EYA1: variants seen among roughly 807,000 people sequenced by gnomAD.
EYA1 encodes EYA transcriptional coactivator and phosphatase 1, also known as protein phosphatase EYA1.
Under a neutral mutation model 82.0 loss-of-function variants are expected in EYA1, and 16 were observed. The observed-to-expected ratio is 0.20, with a 90% CI of 0.13 to 0.30. The LOEUF is 0.30. Among genes scored for constraint, EYA1 ranks in the 10% least tolerant of loss-of-function variants. The pLI is 1.00. For missense variants in EYA1, 633 were observed against 730.7 expected, an observed-to-expected ratio of 0.87 and a Z score of 1.54; for synonymous variants, 261 against 264.4, an observed-to-expected ratio of 0.99 and a Z score of 0.12.
chr8:71,461,546 T>C (rs1355917669), intron 2 of EYA1, among the ~76,000 whole-genome samples: 1 of 152,122 alleles, frequency 6.6e-6, no homozygotes. Context: ...AGCTCCCAGG[T>C]CTGGGCTCCC....
At chr8:71,488,813 A>G (rs1324755009) in intron 2 of EYA1, among the ~76,000 whole-genome samples, 1 of 152,222 alleles carries the variant, frequency 6.6e-6, no homozygotes, top group Non-Finnish European at 1.5e-5. Flanking sequence ...AGAATGTCCA[A>G]CTTCTTGATT....
At chr8:71,272,005 T>A in intron 9 of EYA1, 108 bp from the exon 10 acceptor site, 1 of 1,145,380 alleles carries the variant, frequency 8.7e-7, no homozygotes, top group South Asian at 1.2e-5. Flanking sequence ...GCACATTTCA[T>A]TCTGCTGAAA....
At chr8:71,434,926 CAT>C (rs1454601079) in intron 2 of EYA1, among the ~76,000 whole-genome samples, 2 of 152,016 alleles carry the variant, frequency 1.3e-5, no homozygotes, top group African/African-American at 4.8e-5. Flanking sequence ...CACTCACAGA[CAT>C]ATATATGTGC....
chr8:71,480,957 A>G (rs113105136), intron 2 of EYA1, among the ~76,000 whole-genome samples: 1 of 152,082 alleles, frequency 6.6e-6, no homozygotes, highest in African/African-American at 2.4e-5. Flanking sequence ...TGGTAAATGA[A>G]TTTTCAAAAG....
At chr8:71,447,078 A>G (rs896892790) in intron 2 of EYA1, among the ~76,000 whole-genome samples, 48 of 117,014 alleles carry the variant, frequency 4.1e-4, no homozygotes, top group African/African-American at 1.6e-3. Context: ...ATTATTGATA[A>G]TCTTTATATA....
chr8:71,400,627 C>T (rs111764013), intron 2 of EYA1, among the ~76,000 whole-genome samples: 50 of 152,192 alleles, frequency 3.3e-4, no homozygotes, highest in African/African-American at 1.2e-3. Flanking sequence ...ATTAAAAAGT[C>T]AAGAAACAAC....
chr8:71,488,573 G>C (rs1436033159), intron 2 of EYA1, among the ~76,000 whole-genome samples: 1 of 152,154 alleles, frequency 6.6e-6, no homozygotes, highest in African/African-American at 2.4e-5. Context: ...GATAGATATC[G>C]GTTGGGAATA....
intron 1 of EYA1, among the ~76,000 whole-genome samples, chr8:71,541,424 A>G (rs1334235479): frequency 6.6e-6 from 1 of 152,266 alleles, no homozygotes; most frequent in South Asian, 2.1e-4. Flanking sequence ...TGCTTCTACC[A>G]TATGTGACTT....
intron 11 of EYA1, among the ~76,000 whole-genome samples, chr8:71,266,952 T>C (rs184294230): frequency 1.3e-3 from 200 of 152,348 alleles, no homozygotes; most frequent in African/African-American, 4.5e-3. Context: ...AAATCATTTC[T>C]AAATCCAGTT....
At chr8:71,244,734 G>A in intron 11 of EYA1, 42 bp from the exon 12 acceptor site, 3 of 1,179,954 alleles carry the variant, frequency 2.5e-6, no homozygotes, top group Non-Finnish European at 3.8e-6. Flanking sequence ...GTATACTTCA[G>A]GTTACATGAA....
intron 2 of EYA1, among the ~76,000 whole-genome samples, chr8:71,445,553 T>C (rs957014786): frequency 2.0e-5 from 3 of 152,182 alleles, no homozygotes; most frequent in African/African-American, 4.8e-5. Flanking sequence ...GTTATTAATA[T>C]TATTTAGGAT....
At chr8:71,272,454 A>G (rs1034589884) in intron 9 of EYA1, among the ~76,000 whole-genome samples, 1 of 152,154 alleles carries the variant, frequency 6.6e-6, no homozygotes, top group African/African-American at 2.4e-5. Flanking sequence ...AGGCAGATAC[A>G]TGGACAATAC....
At chr8:71,438,266 G>A (rs1806150927) in intron 2 of EYA1, among the ~76,000 whole-genome samples, 1 of 151,832 alleles carries the variant, frequency 6.6e-6, no homozygotes, top group African/African-American at 2.4e-5. Context: ...AATGGCCTTT[G>A]GAAGACAAGA....
chr8:71,211,342 C>T (rs1808484659), intron 16 of EYA1, 86 bp from the exon 17 acceptor site: 1 of 861,528 alleles, frequency 1.2e-6, no homozygotes, highest in African/African-American at 1.7e-5. Flanking sequence ...AAAATGCTTT[C>T]TTCATGCTCT....
At chr8:71,349,658 T>C (rs1826113194) in intron 3 of EYA1, among the ~76,000 whole-genome samples, 1 of 152,226 alleles carries the variant, frequency 6.6e-6, no homozygotes, top group Non-Finnish European at 1.5e-5. Context: ...GCAAATTCTA[T>C]GTTACGTCCT....
intron 11 of EYA1, among the ~76,000 whole-genome samples, chr8:71,267,612 G>A (rs569511565): frequency 2.4e-4 from 36 of 152,202 alleles, no homozygotes; most frequent in African/African-American, 6.3e-4. Flanking sequence ...ACAGTGGCGC[G>A]ATCTCTGCTC....
chr8:71,397,189 T>C (rs972499751), intron 2 of EYA1, among the ~76,000 whole-genome samples: 3 of 152,158 alleles, frequency 2.0e-5, no homozygotes, highest in East Asian at 3.9e-4. Flanking sequence ...TGTCTCTGCA[T>C]GTGAGATGGG....
intron 17 of EYA1, among the ~76,000 whole-genome samples, chr8:71,199,679 T>C (rs1381014545): frequency 6.6e-6 from 1 of 152,256 alleles, no homozygotes; most frequent in Non-Finnish European, 1.5e-5. Flanking sequence ...ATCTACACTG[T>C]GACTTGAATG....
Position 71,472,788 on chromosome 8 carries a change from G to GATATATATATATAT in EYA1, c.33+62942_33+62955dup, listed in dbSNP as rs71264559. On this transcript the variant is annotated intron_variant, in intron 2 of 18. Coordinates refer to the EYA1 transcript ENST00000643681. ...CATGCATTTTAGATGTAGCTTTGAA[G>GATATATATATATAT]ATATATATATATATATATATATATA... 5.3e-3 allele frequency among the ~76,000 whole-genome samples: 676 copies of GATATATATATATAT among 126,724 alleles called. 8 individuals carry two copies. The highest frequency in any genetic ancestry group is 0.011 in the East Asian group (32 of 2,828). 83.1% of individuals were successfully genotyped at this position (126,724 alleles called of 152,430 possible).
Sources: allele counts gnomAD v4.1 joint callset (sites outside exome capture counted in the v4.1 genomes callset), GRCh38; gene constraint gnomAD v4.1.1; transcripts MANE v1.5; gene names NCBI Gene and HGNC (gene_info 2026-07-23, HGNC 2026-07-21).